The following PKP4 variants were observed in gnomAD, a reference collection of about 807,000 sequenced individuals.
PKP4 encodes the protein plakophilin-4.
A neutral mutation model predicts 145.1 loss-of-function variants in PKP4; 90 were observed. The ratio of observed to expected loss-of-function variants is 0.62; its 90% CI spans 0.52 to 0.74. The LOEUF is 0.74. Among genes scored for constraint, PKP4 ranks in the 30% least tolerant of loss-of-function variants. The pLI, the probability that PKP4 is intolerant of heterozygous loss-of-function variation, is 0.00. For synonymous variants in PKP4, 563 were observed against 577.2 expected, an observed-to-expected ratio of 0.98 and a Z score of 0.35; for missense variants, 1,340 against 1,482.7, an observed-to-expected ratio of 0.90 and a Z score of 1.58.
intron 4 of PKP4, among the ~76,000 whole-genome samples, chr2:158,605,266 T>G (rs1574737936): frequency 6.6e-6 from 1 of 152,210 alleles, no homozygotes; most frequent in Non-Finnish European, 1.5e-5. Flanking sequence ...TCTAAGCTCT[T>G]GCAAAGTGTC....
intron 2 of PKP4, among the ~76,000 whole-genome samples, chr2:158,552,534 C>T (rs1376646545): frequency 2.0e-5 from 3 of 151,812 alleles, no homozygotes; most frequent in Non-Finnish European, 2.9e-5. Flanking sequence ...TTAAACAAAA[C>T]GTTGGTAGAA....
rs1198405937 is a variant in PKP4, at chr2:158,642,659, G to A, written c.1869G>A (p.Leu623=). 1 of 1,610,724 alleles carries A rather than the reference G, an allele frequency of 6.2e-7. No homozygotes were observed. The highest frequency in any genetic ancestry group is 8.5e-7 in the Non-Finnish European group (1 of 1,177,780). Residue 623 remains leucine (L), a synonymous_variant, in exon 11 of 22, where the codon TTG becomes TTA. Transcript: ENST00000389759. ...VGGIPALLRL[L]RKSIDAEVRE... is the part of the protein sequence containing the mutation. ...GGATACCTGCCTTGTTGCGACTGTT[G>A]AGAAAATCTATTGATGCAGAAGTAA...
chr2:158,631,818 C>G lies in PKP4; in HGVS notation c.1219C>G (p.Pro407Ala), dbSNP rs199939900. 3.7e-6 allele frequency: 6 copies of G among 1,613,998 alleles called. No individual in the cohort carries two copies. The highest frequency in any genetic ancestry group is 1.3e-5 in the African/African-American group (1 of 74,912). ...GCAAGACCTTCGTTCTGCCGTGTCT[C>G]CCGACTTGCACATTACTCCTATATA... is the stretch of plus-strand genomic sequence containing the variant. ...LGQDLRSAVS[P>A]DLHITPIYEG... The change falls in exon 8 of 22, where the codon CCC (proline) becomes GCC (alanine). Residue 407 changes from proline (P) to alanine (A), a missense_variant. Transcript: ENST00000389759.
chr2:158,496,977 C>A (rs1695837585), intron 1 of PKP4, among the ~76,000 whole-genome samples: 1 of 152,034 alleles, frequency 6.6e-6, no homozygotes, highest in Non-Finnish European at 1.5e-5. Context: ...GGTCTGAAGT[C>A]CCACTAACAG....
chr2:158,604,663 G>A (rs2050504871), intron 4 of PKP4, among the ~76,000 whole-genome samples: 1 of 152,068 alleles, frequency 6.6e-6, no homozygotes, highest in Non-Finnish European at 1.5e-5. Context: ...AAAATGGAGA[G>A]CCAGTTTCGG....
intron 1 of PKP4, among the ~76,000 whole-genome samples, chr2:158,521,552 G>A (rs1286478409): frequency 3.3e-5 from 5 of 152,034 alleles, no homozygotes; most frequent in East Asian, 1.9e-4. Flanking sequence ...TTTATGAACC[G>A]CCTGATTAGA....
Position 158,625,139 on chromosome 2 carries a change from G to A in PKP4, c.865G>A (p.Gly289Arg). ...PASPTAIRRI[G>R]SVTSRQTSNP... ...CTCCCCAACAGCTATACGGCGGATT[G>A]GGTCAGTCACCTCCCGGCAGACCTC... is the stretch of plus-strand genomic sequence containing the variant. The change falls in exon 7 of 22, where the codon GGG becomes AGG. Residue 289 changes from glycine to arginine, a missense_variant. By Grantham distance (125) the Gly-to-Arg change is moderately radical (BLOSUM62 -2). Coordinates refer to ENST00000389759, the MANE Select transcript of PKP4 (RefSeq NM_003628.6). The A allele has an allele frequency of 6.2e-7, 1 of 1,614,110 alleles. No individual in the cohort carries two copies.
chr2:158,492,908 C>T (rs1271666346), intron 1 of PKP4, among the ~76,000 whole-genome samples: 4 of 152,142 alleles, frequency 2.6e-5, no homozygotes, highest in Admixed American at 2.0e-4. Flanking sequence ...GCTTCATAGG[C>T]ATAGTCTTTA....
intron 9 of PKP4, among the ~76,000 whole-genome samples, chr2:158,637,313 G>A (rs938564459): frequency 6.6e-6 from 1 of 152,166 alleles, no homozygotes; most frequent in Admixed American, 6.5e-5. Flanking sequence ...TCTGCACTCT[G>A]ACTAGGCTGG....
In PKP4 at chr2:158,470,869, T is replaced by G. The variant is rs530409753; in HGVS notation, c.-6+13651T>G. On this transcript the variant is annotated intron_variant, in intron 1 of 21. Coordinates refer to ENST00000389759, the MANE Select transcript of PKP4 (RefSeq NM_003628.6). ...CCAGAGTCCTGAGAAGGCCTCCCAC[T>G]GAGTGCGGGGCTGGGGAGGGGAGCA... 6.1e-4 allele frequency among the ~76,000 whole-genome samples: 93 copies of G among 152,168 alleles called. 1 individual carries two copies. In the South Asian group the frequency reaches 0.018, roughly 30 times the overall value.
intron 2 of PKP4, among the ~76,000 whole-genome samples, chr2:158,554,211 G>A (rs894574594): frequency 6.7e-6 from 1 of 149,786 alleles, no homozygotes; most frequent in African/African-American, 2.4e-5. Context: ...ACTGTCATTC[G>A]CTGAAGATTC....
At chr2:158,643,169 C>A (rs1030498227) in intron 11 of PKP4, among the ~76,000 whole-genome samples, 1 of 152,168 alleles carries the variant, frequency 6.6e-6, no homozygotes, top group African/African-American at 2.4e-5. Flanking sequence ...GCGCTTAAGT[C>A]ACCCTCAGAT....
intron 11 of PKP4, among the ~76,000 whole-genome samples, chr2:158,653,226 T>C (rs1326945062): frequency 8.0e-6 from 1 of 125,440 alleles, no homozygotes; most frequent in Non-Finnish European, 1.7e-5. Context: ...ACCAGAGAAA[T>C]CGCATTTTCC....
At chr2:158,506,157 G>C (rs1008105311) in intron 1 of PKP4, among the ~76,000 whole-genome samples, 3 of 152,200 alleles carry the variant, frequency 2.0e-5, no homozygotes, top group Non-Finnish European at 4.4e-5. Flanking sequence ...AAAGATCCCA[G>C]AAGCAAGACT....
At chr2:158,560,487 AAG>A in intron 2 of PKP4, among the ~76,000 whole-genome samples, 1 of 152,332 alleles carries the variant, frequency 6.6e-6, no homozygotes, top group Non-Finnish European at 1.5e-5. Flanking sequence ...CAGAAGATAA[AAG>A]AGGTAAATTA....
At chr2:158,630,094 T>C (rs1015466024) in intron 7 of PKP4, among the ~76,000 whole-genome samples, 3 of 152,228 alleles carry the variant, frequency 2.0e-5, no homozygotes, top group Admixed American at 2.0e-4. Flanking sequence ...AAAGCAAATA[T>C]ATGCTGACTG....
At chr2:158,625,512 G>A (rs1574845733) in intron 7 of PKP4, 85 bp downstream of exon 7, 3 of 1,131,528 alleles carry the variant, frequency 2.7e-6, no homozygotes, top group African/African-American at 3.1e-5. Flanking sequence ...TGAAAAGGTG[G>A]AAAAGGCTCA....
chr2:158,669,904 CAG>C lies in PKP4; in HGVS notation c.2914_2915del (p.Arg972GlyfsTer30), dbSNP rs767405901. ...IEKLVNITKG[R>X]GDRSSLKVVK... ...AGAAGCTGGTGAACATAACCAAAGG[CAG>C]GGGCGACAGGCAAGTCTGCGGCAAG... On this transcript the variant is annotated frameshift_variant, in exon 17 of 22. Coordinates refer to ENST00000389759, the MANE Select transcript of PKP4 (RefSeq NM_003628.6). LOFTEE classifies it high-confidence loss of function. The C allele has an allele frequency of 6.2e-7, 1 of 1,609,810 alleles. No individual in the cohort carries two copies. The highest frequency in any genetic ancestry group is 1.1e-5 in the South Asian group (1 of 90,526).
In PKP4 at chr2:158,577,366, A is replaced by G. The variant is rs766693267; in HGVS notation, c.228A>G (p.Pro76=). ...LERCRLGAES[P]SIASTSSTEK... Reference sequence around the variant, plus strand: ...GATGTAGGCTTGGAGCAGAATCACCAAGCATCGCCAGCACCAGGTACAGGG... The same window carrying G: ...GATGTAGGCTTGGAGCAGAATCACCGAGCATCGCCAGCACCAGGTACAGGG... Residue 76 remains proline, a synonymous_variant, in exon 3 of 22, where the codon CCA becomes CCG. Transcript: ENST00000389759. 1.9e-6 allele frequency: 3 copies of G among 1,611,746 alleles called. No individual in the cohort carries two copies. The East Asian group carries it at 6.7e-5, about 36-fold the overall frequency.
Sources: allele counts gnomAD v4.1 joint callset (sites outside exome capture counted in the v4.1 genomes callset), GRCh38; gene constraint gnomAD v4.1.1; transcripts MANE v1.5; gene names NCBI Gene and HGNC (gene_info 2026-07-23, HGNC 2026-07-21).